Variants in FAM53A observed in about 807,000 individuals in gnomAD.
FAM53A encodes the protein family with sequence similarity 53 member A, also known as protein FAM53A.
A neutral mutation model predicts 26.6 loss-of-function variants in FAM53A; 28 were observed. That is an observed-to-expected ratio of 1.05 (90% CI 0.78 to 1.45). The LOEUF (loss-of-function observed/expected upper bound fraction) is 1.45, where lower values mean the gene tolerates loss of function less well. Ranked by LOEUF, FAM53A falls within the 40% of genes most tolerant of loss-of-function variation. The probability of loss-of-function intolerance (pLI) is 0.00; values close to 1 mark genes in which losing one functional copy is unlikely to be tolerated. For missense variants in FAM53A, 650 were observed against 575.8 expected (o/e 1.13, Z -1.32); for synonymous variants, 290 against 253.1 (o/e 1.15, Z -1.38).
chr4:1,673,367 G>A (rs1204946133), intron 1 of FAM53A, among the ~76,000 whole-genome samples: 1 of 152,218 alleles, frequency 6.6e-6, no homozygotes, highest in African/African-American at 2.4e-5. Flanking sequence ...AACGCCTGGA[G>A]GGTCTGCACG....
At chr4:1,682,946 C>G (rs1428556560) in intron 1 of FAM53A, among the ~76,000 whole-genome samples, 1 of 152,150 alleles carries the variant, frequency 6.6e-6, no homozygotes, top group Non-Finnish European at 1.5e-5. Context: ...CCCTCAAAGT[C>G]GCAACACAGA....
intron 4 of FAM53A, among the ~76,000 whole-genome samples, chr4:1,646,349 T>A (rs550068602): frequency 1.4e-4 from 22 of 152,278 alleles, no homozygotes; most frequent in African/African-American, 5.1e-4. Context: ...TCTGCCCACC[T>A]CGGCCTCCCA....
rs1711534362 is a variant in FAM53A at position 1,639,985 on chromosome 4, A to G, written c.*1308T>C. 6.6e-6 allele frequency: 1 copy of G among 152,294 alleles called. No individual in the cohort carries two copies. Among genetic ancestry groups the G allele is most frequent in the Admixed American group, 6.5e-5 (1 of 15,292 alleles). The allele number at this position is 152,294 out of a possible 1,614,324, so 9.4% of individuals were successfully genotyped here. On this transcript the variant is annotated 3_prime_UTR_variant, in exon 5 of 5. Coordinates refer to ENST00000308132, the MANE Select transcript of FAM53A (RefSeq NM_001174070.3). ...CTTGCCTTGTCTGGTTCTGAGCCAG[A>G]GACCAGAGGCCTGAGGCGCAGCCAG...
At position 1,655,351 on chromosome 4, in the gene FAM53A, G is replaced by A. The variant is rs770006729; in HGVS notation, c.509C>T (p.Pro170Leu). 197 of 1,437,160 alleles carry A rather than the reference G, an allele frequency of 1.4e-4. 4 individuals are homozygous for A. In the South Asian group the frequency reaches 2.8e-3, roughly 20 times the overall value. 89.0% of individuals were successfully genotyped at this position (1,437,160 alleles called of 1,614,324 possible). ...TRQGSPGAVL[P>L]RSAVWSTGPT... ...ACCGGTCGACCACACAGCACTCCTC[G>A]GCAGGACGGCGCCGGGGCTTCCCTG... Residue 170 changes from proline (P) to leucine (L), a missense_variant, in exon 4 of 5, where the codon CCG becomes CTG. Pro to Leu is a moderately conservative substitution (Grantham distance 98). Transcript: ENST00000308132.
At chr4:1,604,680 C>G in the FAM53A span, among the ~76,000 whole-genome samples, 1 of 152,162 alleles carries the variant, frequency 6.6e-6, no homozygotes, top group Non-Finnish European at 1.5e-5. Context: ...CCGACGGACA[C>G]GGCCATCCTC....
chr4:1,669,544 A>G (rs554631486), intron 1 of FAM53A, among the ~76,000 whole-genome samples: 64 of 152,312 alleles, frequency 4.2e-4, no homozygotes, highest in African/African-American at 1.4e-3. Context: ...ACAGACACCA[A>G]CCAGCCGAGG....
intron 1 of FAM53A, among the ~76,000 whole-genome samples, chr4:1,677,655 A>G (rs1715134732): frequency 6.6e-6 from 1 of 152,148 alleles, no homozygotes; most frequent in African/African-American, 2.4e-5. Context: ...CCATTCACAC[A>G]GAGAGGGAAG....
At chr4:1,626,555 G>A (rs986761134) in intron 1 of FAM53A, among the ~76,000 whole-genome samples, 4 of 150,682 alleles carry the variant, frequency 2.7e-5, no homozygotes, top group Non-Finnish European at 5.9e-5. Context: ...CCCTGAGCCC[G>A]GGGGGACCCG....
downstream of FAM53A, among the ~76,000 whole-genome samples, chr4:1,614,703 C>A (rs781028502): frequency 6.6e-6 from 1 of 152,144 alleles, no homozygotes; most frequent in Non-Finnish European, 1.5e-5. Flanking sequence ...TTCCTGCCGC[C>A]TCCGGTCACA....
At chr4:1,583,531 C>T in the FAM53A span, among the ~76,000 whole-genome samples, 15 of 152,360 alleles carry the variant, frequency 9.8e-5, no homozygotes, top group African/African-American at 3.6e-4. Context: ...GCATGATCAC[C>T]TCATGTGCTT....
At chr4:1,613,235 C>T (rs926225908), downstream of FAM53A, among the ~76,000 whole-genome samples, 1 of 152,202 alleles carries the variant, frequency 6.6e-6, no homozygotes, top group Non-Finnish European at 1.5e-5. Context: ...CAGAAAGGTA[C>T]TGGGGGTGGG....
At chr4:1,612,964 A>G (rs1403482969), downstream of FAM53A, among the ~76,000 whole-genome samples, 1 of 152,164 alleles carries the variant, frequency 6.6e-6, no homozygotes, top group Non-Finnish European at 1.5e-5. Flanking sequence ...CAAATTCACT[A>G]ACCCAGGCAT....
the FAM53A span, among the ~76,000 whole-genome samples, chr4:1,593,129 G>T: frequency 1.3e-5 from 2 of 152,206 alleles, no homozygotes; most frequent in Non-Finnish European, 2.9e-5. Flanking sequence ...GCGGGAGCCG[G>T]TGGCGGCCAG....
chr4:1,664,395 T>C (rs1390277266), intron 2 of FAM53A, among the ~76,000 whole-genome samples: 3 of 152,198 alleles, frequency 2.0e-5, no homozygotes, highest in Non-Finnish European at 2.9e-5. Flanking sequence ...TATGAAGACA[T>C]ACTTCCACAC....
chr4:1,586,332 T>C, the FAM53A span, among the ~76,000 whole-genome samples: 5 of 151,898 alleles, frequency 3.3e-5, no homozygotes, highest in East Asian at 9.7e-4. Context: ...TATCTAGGAG[T>C]ACAGGCATGC....
chr4:1,585,646 G>A, the FAM53A span, among the ~76,000 whole-genome samples: 63 of 152,208 alleles, frequency 4.1e-4, no homozygotes, highest in Admixed American at 1.6e-3. Flanking sequence ...AGTGGATCAC[G>A]CAGTATTTGT....
At chr4:1,625,756 GGCCC>G (rs1715269879) in intron 1 of FAM53A, among the ~76,000 whole-genome samples, 1 of 125,648 alleles carries the variant, frequency 8.0e-6, no homozygotes, top group African/African-American at 3.2e-5. Flanking sequence ...CCCACGTCCC[GGCCC>G]ACATGGTCAG....
At chr4:1,609,363 T>C in the FAM53A span, among the ~76,000 whole-genome samples, 2 of 152,108 alleles carry the variant, frequency 1.3e-5, no homozygotes, top group African/African-American at 4.8e-5. Context: ...GGCCTGCACC[T>C]GCCCCGGGGC....
At chr4:1,615,588 C>T (rs979348823), downstream of FAM53A, among the ~76,000 whole-genome samples, 19 of 150,654 alleles carry the variant, frequency 1.3e-4, no homozygotes, top group African/African-American at 4.2e-4. Context: ...CACCTGGGCA[C>T]GCACGGAAGA....
Sources: allele counts gnomAD v4.1 joint callset (sites outside exome capture counted in the v4.1 genomes callset), GRCh38; gene constraint gnomAD v4.1.1; transcripts MANE v1.5; gene names NCBI Gene and HGNC (gene_info 2026-07-23, HGNC 2026-07-21).